Variants in LRP1B observed in about 807,000 individuals in gnomAD.
LRP1B encodes the protein low-density lipoprotein receptor-related protein 1B.
A neutral mutation model predicts 556.6 loss-of-function variants in LRP1B; 217 were observed. The ratio of observed to expected loss-of-function variants is 0.39; its 90% CI spans 0.35 to 0.44. The LOEUF (loss-of-function observed/expected upper bound fraction) is 0.44, where lower values mean the gene tolerates loss of function less well. LRP1B is among the 20% of genes least tolerant of loss of function. The pLI is 1.00. For synonymous variants in LRP1B, 2,047 were observed against 1,865.8 expected, an observed-to-expected ratio of 1.10 and a Z score of -2.50; for missense variants, 5,053 against 5,620.8, an observed-to-expected ratio of 0.90 and a Z score of 3.23.
chr2:141,000,124 C>T (rs1480381716), intron 15 of LRP1B, among the ~76,000 whole-genome samples: 1 of 151,688 alleles, frequency 6.6e-6, no homozygotes, highest in Non-Finnish European at 1.5e-5. Flanking sequence ...TCACTATGTT[C>T]CCCAAGCTGG....
At chr2:140,688,050 TGC>T (rs1322936737) in intron 41 of LRP1B, among the ~76,000 whole-genome samples, 1 of 152,168 alleles carries the variant, frequency 6.6e-6, no homozygotes, top group Non-Finnish European at 1.5e-5. Flanking sequence ...TGAAAAATGC[TGC>T]TTCTAATCCT....
intron 7 of LRP1B, among the ~76,000 whole-genome samples, chr2:141,169,230 G>C (rs907405380): frequency 6.6e-6 from 1 of 151,302 alleles, no homozygotes; most frequent in Non-Finnish European, 1.5e-5. Flanking sequence ...AGGTTGCAGT[G>C]AGCCGAGATC....
chr2:140,997,178 C>T (rs1697271614), intron 15 of LRP1B, among the ~76,000 whole-genome samples: 1 of 151,870 alleles, frequency 6.6e-6, no homozygotes, highest in Non-Finnish European at 1.5e-5. Flanking sequence ...TCATGGTATG[C>T]TTGTCATGGA....
At chr2:141,054,041 A>T (rs1379215918) in intron 10 of LRP1B, among the ~76,000 whole-genome samples, 1 of 152,006 alleles carries the variant, frequency 6.6e-6, no homozygotes, top group Non-Finnish European at 1.5e-5. Context: ...GAATACAAAT[A>T]AAAAATGTAA....
chr2:140,235,619 T>G (rs1680660413), intron 89 of LRP1B, among the ~76,000 whole-genome samples: 1 of 151,130 alleles, frequency 6.6e-6, no homozygotes, highest in Non-Finnish European at 1.5e-5. Flanking sequence ...GCAATTTTGG[T>G]TATTCAGTCA....
chr2:140,239,488 T>C lies in LRP1B; in HGVS notation c.13369A>G (p.Ile4457Val), dbSNP rs1680856932. 2 of 1,605,192 alleles carry C rather than the reference T, an allele frequency of 1.2e-6. No individual in the cohort carries two copies. The highest frequency in any genetic ancestry group is 1.7e-6 in the Non-Finnish European group (2 of 1,174,404). ...IVPLVLLVTL[I>V]TTLVIGLVLC... ...ACTAAACCAATTACTAAGGTGGTTA[T>C]CAAAGTCACCAAGAGGACGAGAGGC... The change falls in exon 88 of 91, where the codon ATA becomes GTA. Residue 4457 changes from isoleucine to valine, a missense_variant. By Grantham distance (29) the Ile-to-Val change is conservative. Around this residue, in one of 5 missense-constraint regions of LRP1B, gnomAD observed 551 missense variants for 592.0 expected, o/e 0.93. Transcript: ENST00000389484.
chr2:141,785,971 G>A (rs189825272), intron 2 of LRP1B, among the ~76,000 whole-genome samples: 2 of 151,742 alleles, frequency 1.3e-5, no homozygotes, highest in African/African-American at 4.8e-5. Flanking sequence ...ACTAATATTT[G>A]CAAATTAAAA....
intron 66 of LRP1B, among the ~76,000 whole-genome samples, chr2:140,424,717 C>G (rs1685584779): frequency 6.6e-6 from 1 of 152,128 alleles, no homozygotes; most frequent in Non-Finnish European, 1.5e-5. Context: ...AGCTGTGGAT[C>G]ACACAATACA....
intron 16 of LRP1B, among the ~76,000 whole-genome samples, chr2:140,990,256 C>A (rs1697052748): frequency 6.6e-6 from 1 of 151,932 alleles, no homozygotes; most frequent in Admixed American, 6.6e-5. Context: ...ATTCCTTAAA[C>A]CAACTGGAGA....
intron 21 of LRP1B, among the ~76,000 whole-genome samples, chr2:140,920,691 T>C (rs1338044832): frequency 6.6e-6 from 1 of 152,038 alleles, no homozygotes; most frequent in African/African-American, 2.4e-5. Flanking sequence ...GTTGAATAAA[T>C]TGTGGTTTAC....
At chr2:140,330,821 C>T (rs1680771250) in intron 79 of LRP1B, among the ~76,000 whole-genome samples, 1 of 152,194 alleles carries the variant, frequency 6.6e-6, no homozygotes, top group African/African-American at 2.4e-5. Context: ...ATCCACCCAT[C>T]TGACAAAAGT....
intron 43 of LRP1B, among the ~76,000 whole-genome samples, chr2:140,545,154 A>G (rs1339863917): frequency 8.5e-6 from 1 of 117,706 alleles, no homozygotes; most frequent in African/African-American, 3.3e-5. Context: ...TTTTTTTTGT[A>G]AATTTAAGTT....
chr2:142,101,897 C>A (rs769824301), intron 1 of LRP1B, among the ~76,000 whole-genome samples: 1 of 151,844 alleles, frequency 6.6e-6, no homozygotes, highest in Non-Finnish European at 1.5e-5. Flanking sequence ...GAACATAAAC[C>A]ATTACTTGAA....
rs1680076692 is a variant in LRP1B at position 140,540,106 on chromosome 2, T to C, written c.7513+867A>G. ...AAAGAGAGTAAAAATCGACTGAAGA[T>C]GAAGATGAAAAATACTTATTTTTAT... On this transcript the variant is annotated intron_variant, in intron 45 of 90. Transcript: ENST00000389484. Among the ~76,000 whole-genome samples, 2 of 152,026 alleles carry C rather than the reference T, an allele frequency of 1.3e-5. 1 individual carries two copies. Among genetic ancestry groups the C allele is most frequent in the South Asian group, 4.1e-4 (2 of 4,824 alleles).
intron 2 of LRP1B, among the ~76,000 whole-genome samples, chr2:141,595,444 A>G (rs1356921918): frequency 6.6e-6 from 1 of 152,116 alleles, no homozygotes; most frequent in Non-Finnish European, 1.5e-5. Context: ...TATATCAGAC[A>G]TTTGTAAACA....
chr2:141,487,896 G>A (rs561981803), intron 2 of LRP1B, among the ~76,000 whole-genome samples: 1 of 152,210 alleles, frequency 6.6e-6, no homozygotes, highest in South Asian at 2.1e-4. Context: ...CTCGCATAAA[G>A]TACTTAACCT....
At chr2:140,691,667 A>G (rs1229184923) in intron 41 of LRP1B, among the ~76,000 whole-genome samples, 3 of 152,194 alleles carry the variant, frequency 2.0e-5, no homozygotes, top group African/African-American at 7.2e-5. Context: ...GTCTATAAAT[A>G]TAAAGAGAAA....
At chr2:142,039,736 C>A (rs1232250841) in intron 1 of LRP1B, among the ~76,000 whole-genome samples, 1 of 151,478 alleles carries the variant, frequency 6.6e-6, no homozygotes, top group African/African-American at 2.4e-5. Flanking sequence ...AGTTCCTTTA[C>A]ATTTGACTTT....
intron 12 of LRP1B, among the ~76,000 whole-genome samples, chr2:141,018,064 T>TA (rs1179743625): frequency 6.6e-6 from 1 of 151,580 alleles, no homozygotes; most frequent in Non-Finnish European, 1.5e-5. Flanking sequence ...TGAGAATTCT[T>TA]AAACACACAG....
Sources: allele counts gnomAD v4.1 joint callset (sites outside exome capture counted in the v4.1 genomes callset), GRCh38; gene constraint gnomAD v4.1.1; regional missense constraint gnomAD v4.1.1; transcripts MANE v1.5; gene names NCBI Gene and HGNC (gene_info 2026-07-23, HGNC 2026-07-21).